ZNF821: variants seen among roughly 807,000 people sequenced by gnomAD.
ZNF821 encodes the protein zinc finger protein 821.
A neutral mutation model predicts 44.3 loss-of-function variants in ZNF821; 16 were observed. The ratio of observed to expected loss-of-function variants is 0.36; its 90% CI spans 0.24 to 0.55. ZNF821 has a LOEUF of 0.55. Among genes scored for constraint, ZNF821 ranks in the 20% least tolerant of loss-of-function variants. The pLI is 0.86. For missense variants in ZNF821, 436 were observed against 547.6 expected (o/e 0.80, Z 2.03); for synonymous variants, 204 against 197.6 (o/e 1.03, Z -0.27).
chr16:71,861,611 T>C (rs1414477300), intron 7 of ZNF821, among the ~76,000 whole-genome samples, 165 bp downstream of exon 7: 3 of 152,256 alleles, frequency 2.0e-5, no homozygotes, highest in Non-Finnish European at 4.4e-5. Context: ...TTTGGGGCTA[T>C]GTGAGGGAAT....
chr16:71,864,240 G>T lies in ZNF821; in HGVS notation c.315C>A (p.Val105=). ...VGGNEVVEHE[V]TGNLNSDPLL... ...AGGGGTCAGAATTCAAATTCCCTGT[G>T]ACCTGTGATTCAACAAATAGGCAAC... The change falls in exon 6 of 8, where the codon GTC becomes GTA. Residue 105 remains valine (V), a splice_region_variant and synonymous_variant. Transcript: ENST00000425432. 1 of 1,614,014 alleles carries T rather than the reference G, an allele frequency of 6.2e-7. No individual in the cohort carries two copies. The highest frequency in any genetic ancestry group is 1.1e-5 in the South Asian group (1 of 91,072).
At chr16:71,874,975 C>A (rs2035638364) in intron 3 of ZNF821, among the ~76,000 whole-genome samples, 1 of 152,184 alleles carries the variant, frequency 6.6e-6, no homozygotes, top group Admixed American at 6.5e-5. Flanking sequence ...CTGAAACTAG[C>A]AAATCTCAGT....
chr16:71,864,779 A>G (rs1443651234), intron 5 of ZNF821, 124 bp downstream of exon 5: 6 of 1,182,344 alleles, frequency 5.1e-6, no homozygotes, highest in Non-Finnish European at 7.2e-6. Flanking sequence ...ATGAAGGAAG[A>G]GGCCTCCCAT....
chr16:71,894,790 C>T (rs71386939), intron 1 of ZNF821: 368,834 of 1,486,222 alleles, frequency 0.25, 49,340 homozygotes, highest in Middle Eastern at 0.29. Context: ...CCCGCCCCGC[C>T]TCTCAAAGTG....
intron 1 of ZNF821, chr16:71,894,827 C>G (rs2036930332): frequency 1.3e-6 from 2 of 1,533,546 alleles, no homozygotes; most frequent in African/African-American, 1.4e-5. Context: ...CAGGCTTAAG[C>G]AGCGATAATG....
intron 3 of ZNF821, among the ~76,000 whole-genome samples, chr16:71,876,531 G>C (rs910861269): frequency 3.9e-5 from 6 of 151,962 alleles, no homozygotes; most frequent in African/African-American, 1.5e-4. Flanking sequence ...CAACCAGAGA[G>C]GAGAAACAAT....
chr16:71,864,699 C>T (rs572777139), intron 5 of ZNF821: 14 of 591,868 alleles, frequency 2.4e-5, no homozygotes, highest in African/African-American at 1.9e-4. Context: ...ACAGGCGCAG[C>T]GATTCGTGGA....
intron 5 of ZNF821, 89 bp from the exon 6 acceptor site, chr16:71,864,331 G>C (rs2034281834): frequency 1.2e-5 from 13 of 1,071,020 alleles, no homozygotes; most frequent in Middle Eastern, 2.0e-4. Flanking sequence ...CTGTTAAAAG[G>C]AACCCAGACT....
chr16:71,887,541 G>A (rs932533469), upstream of ZNF821, among the ~76,000 whole-genome samples: 3 of 152,140 alleles, frequency 2.0e-5, no homozygotes, highest in Admixed American at 6.5e-5. Context: ...GATTACAGGC[G>A]TGAGCCATCG....
chr16:71,865,221 C>A (rs946884156), intron 4 of ZNF821, among the ~76,000 whole-genome samples, 173 bp from the exon 5 acceptor site: 4 of 152,188 alleles, frequency 2.6e-5, no homozygotes, highest in Non-Finnish European at 5.9e-5. Context: ...CTATAGCTGT[C>A]ATTTGTTATG....
At chr16:71,866,560 T>C (rs2034566566) in intron 4 of ZNF821, among the ~76,000 whole-genome samples, 1 of 152,116 alleles carries the variant, frequency 6.6e-6, no homozygotes, top group Non-Finnish European at 1.5e-5. Flanking sequence ...TAAAGTGATA[T>C]ATCAAACATA....
At chr16:71,888,169 G>A (rs541802360), upstream of ZNF821, among the ~76,000 whole-genome samples, 2 of 151,984 alleles carry the variant, frequency 1.3e-5, no homozygotes, top group African/African-American at 4.8e-5. Flanking sequence ...GAACCACTGC[G>A]CCTGGCCTAA....
chr16:71,869,305 A>G (rs1225732015), intron 3 of ZNF821, among the ~76,000 whole-genome samples: 1 of 152,226 alleles, frequency 6.6e-6, no homozygotes. Context: ...GAGATAGGAT[A>G]CAGTGATGTG....
At chr16:71,869,120 G>T (rs1403831134) in intron 3 of ZNF821, among the ~76,000 whole-genome samples, 1 of 152,204 alleles carries the variant, frequency 6.6e-6, no homozygotes. Flanking sequence ...AAGGAGAAAA[G>T]AGAGTTGGGT....
rs749379690 is a variant in ZNF821, at chr16:71,860,318, G to A, written c.939C>T (p.Asp313=). The A allele has an allele frequency of 7.4e-6, 12 of 1,612,320 alleles. No individual in the cohort carries two copies. Among genetic ancestry groups the A allele is most frequent in the East Asian group, 6.7e-5 (3 of 44,880 alleles). The change falls in exon 8 of 8, where the codon GAC becomes GAT. Residue 313 remains aspartate (D), a synonymous_variant. Coordinates refer to ENST00000425432, the MANE Select transcript of ZNF821 (RefSeq NM_001201552.2). This position sits in a 1 kb window ranked among gnomAD's most constrained non-coding sequence, Gnocchi z 7.3. ...GCTGCAGCCGGCGTGCCCGCTGCTCGTCTGTCTCCTGCATGCGCTGCAAGC... is the reference window on the plus strand; with the variant it reads ...GCTGCAGCCGGCGTGCCCGCTGCTCATCTGTCTCCTGCATGCGCTGCAAGC... The part of the protein sequence containing the change: ...AKRLQRMQET[D]EQRARRLQRD...
chr16:71,890,086 A>T (rs1363392786), intron 1 of ZNF821, among the ~76,000 whole-genome samples: 1 of 152,234 alleles, frequency 6.6e-6, no homozygotes, highest in Non-Finnish European at 1.5e-5. Context: ...CACAAAGATA[A>T]GTTAATATTT....
chr16:71,882,982 A>T (rs1220736220), intron 2 of ZNF821: 1 of 357,268 alleles, frequency 2.8e-6, no homozygotes, highest in Non-Finnish European at 5.6e-6. Context: ...CTGGGAAGAC[A>T]GGTAAACGGT....
At chr16:71,892,408 A>G (rs1192595286) in intron 1 of ZNF821, among the ~76,000 whole-genome samples, 1 of 148,766 alleles carries the variant, frequency 6.7e-6, no homozygotes, top group Non-Finnish European at 1.5e-5. Context: ...CTGGGACTAC[A>G]GGCGCCCGCC....
intron 1 of ZNF821, among the ~76,000 whole-genome samples, chr16:71,893,613 AC>A (rs2036906820): frequency 6.7e-6 from 1 of 150,104 alleles, no homozygotes; most frequent in Non-Finnish European, 1.5e-5. Flanking sequence ...GTGTGTTGCC[AC>A]CACATCCGGC....
Sources: gnomAD v4.1 joint callset for allele counts (sites outside exome capture counted in the v4.1 genomes callset) on GRCh38, gnomAD v4.1.1 for gene constraint, Gnocchi (gnomAD v3.1) non-coding constraint, MANE v1.5 for transcripts, NCBI Gene and HGNC (gene_info 2026-07-23, HGNC 2026-07-21) for gene names.